Variants in KLHL5 observed in about 807,000 individuals in gnomAD.
KLHL5 encodes the protein kelch like family member 5.
Under a neutral mutation model 77.7 loss-of-function variants are expected in KLHL5, and 48 were observed. That is an observed-to-expected ratio of 0.62 (90% CI 0.49 to 0.79). The LOEUF is 0.79. Among genes scored for constraint, KLHL5 ranks in the 30% least tolerant of loss-of-function variants. The probability of loss-of-function intolerance (pLI) is 0.00; values close to 1 mark genes in which losing one functional copy is unlikely to be tolerated. For synonymous variants in KLHL5, 260 were observed against 297.0 expected (o/e 0.88, Z 1.28); for missense variants, 723 against 859.7 (o/e 0.84, Z 1.99).
intron 7 of KLHL5, among the ~76,000 whole-genome samples, chr4:39,103,974 CAA>C (rs35801364): frequency 0.031 from 2,912 of 93,198 alleles, 93 homozygotes; most frequent in African/African-American, 0.11. Context: ...ACATCTATCT[CAA>C]AAAAAAAAAA....
At chr4:39,060,221 T>A (rs73238516), upstream of KLHL5, among the ~76,000 whole-genome samples, 1,375 of 152,274 alleles carry the variant, frequency 9.0e-3, 14 homozygotes, top group Middle Eastern at 0.051. Context: ...AGCAAATCTC[T>A]TATATATGTG....
chr4:39,134,549 A>G, the KLHL5 span, among the ~76,000 whole-genome samples: 1 of 152,228 alleles, frequency 6.6e-6, no homozygotes, highest in South Asian at 2.1e-4. Flanking sequence ...TAAGCTGTCT[A>G]CATTACACAG....
At chr4:39,113,341 C>A in intron 9 of KLHL5, 109 bp downstream of exon 9, 1 of 849,374 alleles carries the variant, frequency 1.2e-6, no homozygotes, top group Non-Finnish European at 1.8e-6. Context: ...AGTCGGCATT[C>A]AAAAATGCAA....
the KLHL5 span, among the ~76,000 whole-genome samples, chr4:39,140,252 A>G: frequency 6.6e-6 from 1 of 152,228 alleles, no homozygotes; most frequent in Non-Finnish European, 1.5e-5. Flanking sequence ...AAGAAACATG[A>G]CAGCTACAAG....
At chr4:39,077,740 TAG>T (rs1719214836) in intron 2 of KLHL5, among the ~76,000 whole-genome samples, 1 of 145,216 alleles carries the variant, frequency 6.9e-6, no homozygotes, top group Non-Finnish European at 1.5e-5. Flanking sequence ...AAACTAAAAG[TAG>T]ATCTACCATT....
intron 5 of KLHL5, among the ~76,000 whole-genome samples, chr4:39,091,151 G>A (rs1014215232): frequency 1.3e-5 from 2 of 151,638 alleles, no homozygotes; most frequent in African/African-American, 4.9e-5. Flanking sequence ...ACTACGCCTG[G>A]CTAATTTTTG....
chr4:39,110,450 C>T (rs1722372628), intron 8 of KLHL5, among the ~76,000 whole-genome samples: 1 of 152,022 alleles, frequency 6.6e-6, no homozygotes, highest in South Asian at 2.1e-4. Context: ...ACAGTATCTG[C>T]CAATTACTTG....
At chr4:39,132,621 A>G in the KLHL5 span, among the ~76,000 whole-genome samples, 613 of 152,190 alleles carry the variant, frequency 4.0e-3, 4 homozygotes, top group African/African-American at 0.014. Context: ...GAAAAAAAAA[A>G]AAGAAAGGAA....
At chr4:39,089,167 G>A (rs905679580) in intron 5 of KLHL5, among the ~76,000 whole-genome samples, 1 of 152,208 alleles carries the variant, frequency 6.6e-6, no homozygotes, top group African/African-American at 2.4e-5. Flanking sequence ...CACTGTGGCA[G>A]TGGATATAGA....
chr4:39,103,618 A>G (rs998496670), intron 7 of KLHL5, 107 bp downstream of exon 7: 3 of 828,118 alleles, frequency 3.6e-6, no homozygotes, highest in Non-Finnish European at 4.0e-6. Context: ...CGTCAGCAGC[A>G]GTCACCAAGC....
intron 6 of KLHL5, among the ~76,000 whole-genome samples, chr4:39,102,385 A>G (rs935570658): frequency 2.6e-4 from 21 of 80,560 alleles, no homozygotes; most frequent in Non-Finnish European, 3.5e-4. Flanking sequence ...TCCAATTCTT[A>G]AAAAAAAAAA....
At position 39,125,891 on chromosome 4, in the gene KLHL5, C is replaced by G. The variant is rs542473445; in HGVS notation, c.*4825C>G. On this transcript the variant is annotated 3_prime_UTR_variant, in exon 11 of 11. Coordinates refer to ENST00000504108, the MANE Select transcript of KLHL5 (RefSeq NM_015990.5). Reference sequence around the variant, plus strand: ...ATGTTATGATACTTAAATGTCATAACAATAGCATTCTGTACGCTTCACTAG... The same window carrying G: ...ATGTTATGATACTTAAATGTCATAAGAATAGCATTCTGTACGCTTCACTAG... 4.6e-5 allele frequency among the ~76,000 whole-genome samples: 7 copies of G among 152,276 alleles called. No homozygotes were observed. In the South Asian group the frequency reaches 1.5e-3, roughly 32 times the overall value.
At chr4:39,118,510 C>A (rs1723004317) in intron 10 of KLHL5, among the ~76,000 whole-genome samples, 2 of 152,186 alleles carry the variant, frequency 1.3e-5, no homozygotes. Context: ...AATCCCAGGA[C>A]TTTGGGAGGC....
chr4:39,118,572 A>G lies in KLHL5; in HGVS notation c.2074-2438A>G, dbSNP rs958078864. Among the ~76,000 whole-genome samples, 5 of 152,194 alleles carry G rather than the reference A, an allele frequency of 3.3e-5. No homozygotes were observed. In the South Asian group the frequency reaches 6.2e-4, roughly 19 times the overall value. ...GGAGTTCATGGCCAGCTTGGCCAAC[A>G]TGGTGAAACCCCATCTCTACTAAAA... On this transcript the variant is annotated intron_variant, in intron 10 of 10. Coordinates refer to ENST00000504108, the MANE Select transcript of KLHL5 (RefSeq NM_015990.5).
Position 39,107,719 on chromosome 4 carries a change from T to C in KLHL5, c.1676T>C (p.Val559Ala), listed in dbSNP as rs939233611. The C allele has an allele frequency of 1.3e-6, 2 of 1,593,526 alleles. No individual in the cohort carries two copies. The highest frequency in any genetic ancestry group is 1.1e-5 in the South Asian group (1 of 88,144). The change falls in exon 8 of 11, where the codon GTA becomes GCA. Residue 559 changes from valine (V) to alanine (A), a missense_variant. Val to Ala is a moderately conservative substitution (Grantham distance 64). Around this residue, in one of 3 missense-constraint regions of KLHL5, gnomAD observed 214 missense variants for 237.4 expected, o/e 0.90. Transcript: ENST00000504108. Reference protein sequence around the residue: ...STPRSTVGVAVLSGKLYAVGG... With the variant: ...STPRSTVGVAALSGKLYAVGG... ...CCTAGGAGTACAGTAGGTGTGGCAGTACTAAGTGGAAAGTAAGGAAATATT... is the reference window on the plus strand; with the variant it reads ...CCTAGGAGTACAGTAGGTGTGGCAGCACTAAGTGGAAAGTAAGGAAATATT...
At chr4:39,059,908 C>G (rs902634616), upstream of KLHL5, among the ~76,000 whole-genome samples, 6 of 151,972 alleles carry the variant, frequency 3.9e-5, no homozygotes, top group Non-Finnish European at 8.8e-5. Flanking sequence ...TAAAATAAAA[C>G]AAAATAAAAT....
chr4:39,047,608 G>T (rs1051608355), intron 1 of KLHL5, among the ~76,000 whole-genome samples: 5 of 152,148 alleles, frequency 3.3e-5, no homozygotes, highest in African/African-American at 1.2e-4. Context: ...ACTTTCCCCC[G>T]AATTCTTTCA....
At position 39,113,018 on chromosome 4, in the gene KLHL5, AG is replaced by A. The variant is rs1722567338; in HGVS notation, c.1689-1del. Reference sequence around the variant, plus strand: ...TTATCATTTCATATATTCTTTTTGCAGACTTTATGCAGTTGGTGGTCGTGAT... The same window carrying A: ...TTATCATTTCATATATTCTTTTTGCAACTTTATGCAGTTGGTGGTCGTGAT... On this transcript the variant is annotated splice_acceptor_variant, in intron 8 of 10. Transcript: ENST00000504108. LOFTEE classifies it high-confidence loss of function. 6.2e-7 allele frequency: 1 copy of A among 1,611,998 alleles called. No individual in the cohort carries two copies. The highest frequency in any genetic ancestry group is 1.1e-5 in the South Asian group (1 of 90,966).
intron 1 of KLHL5, 62 bp from the exon 2 acceptor site, chr4:39,075,903 T>C: frequency 2.2e-6 from 3 of 1,385,992 alleles, no homozygotes; most frequent in East Asian, 2.3e-5. Flanking sequence ...AAAGACTTAA[T>C]AGGAAAGATC....
Sources: allele counts gnomAD v4.1 joint callset (sites outside exome capture counted in the v4.1 genomes callset), GRCh38; gene constraint gnomAD v4.1.1; regional missense constraint gnomAD v4.1.1; transcripts MANE v1.5; gene names NCBI Gene and HGNC (gene_info 2026-07-23, HGNC 2026-07-21).